The following ZNF385D variants were observed in gnomAD, a reference collection of about 807,000 sequenced individuals.
ZNF385D encodes the protein zinc finger protein 385D, also known as zinc finger protein 659.
Under a neutral mutation model 35.8 loss-of-function variants are expected in ZNF385D, and 15 were observed. The ratio of observed to expected loss-of-function variants is 0.42; its 90% CI spans 0.28 to 0.64. The LOEUF (loss-of-function observed/expected upper bound fraction) is 0.64, where lower values mean the gene tolerates loss of function less well. Ranked by LOEUF, ZNF385D falls within the 30% of genes least tolerant of loss-of-function variation. ZNF385D has a pLI of 0.23. For missense variants in ZNF385D, 474 were observed against 494.6 expected (o/e 0.96, Z 0.39); for synonymous variants, 212 against 186.8 (o/e 1.13, Z -1.10).
intron 2 of ZNF385D, among the ~76,000 whole-genome samples, chr3:22,234,976 T>C (rs567082203): frequency 6.6e-6 from 1 of 152,058 alleles, no homozygotes; most frequent in Non-Finnish European, 1.5e-5. Context: ...ATAAGAAAAT[T>C]TAAGTTTTTA....
At chr3:22,164,412 A>T (rs1706177972) in intron 3 of ZNF385D, among the ~76,000 whole-genome samples, 1 of 151,522 alleles carries the variant, frequency 6.6e-6, no homozygotes. Context: ...TATTTTTAGT[A>T]GAGACGGGGT....
At chr3:22,266,471 T>A (rs1430721307) in intron 2 of ZNF385D, among the ~76,000 whole-genome samples, 3 of 151,884 alleles carry the variant, frequency 2.0e-5, no homozygotes, top group Non-Finnish European at 1.5e-5. Context: ...GGCTGACTGC[T>A]ATCTTATTTA....
chr3:22,168,800 T>C (rs1706503982), intron 3 of ZNF385D: 1 of 984,840 alleles, frequency 1.0e-6, no homozygotes, highest in Admixed American at 6.2e-5. Context: ...TGAGAAAATA[T>C]TTTTAGAAAA....
chr3:22,152,745 A>T (rs916952325), intron 3 of ZNF385D, among the ~76,000 whole-genome samples: 1 of 152,148 alleles, frequency 6.6e-6, no homozygotes, highest in Non-Finnish European at 1.5e-5. Context: ...TTGATCACGT[A>T]TGTGGAGTTC....
chr3:21,754,577 A>G (rs1253667122), upstream of ZNF385D, among the ~76,000 whole-genome samples: 2 of 151,752 alleles, frequency 1.3e-5, no homozygotes, highest in South Asian at 2.1e-4. Context: ...TCATTCAAAT[A>G]TTGCTCAAAG....
At chr3:21,500,179 G>T (rs1706254287) in intron 4 of ZNF385D, among the ~76,000 whole-genome samples, 1 of 152,146 alleles carries the variant, frequency 6.6e-6, no homozygotes, top group Non-Finnish European at 1.5e-5. Context: ...TCACAAAGTA[G>T]TTAAATGTAA....
chr3:22,232,288 A>G (rs897419649), intron 2 of ZNF385D, among the ~76,000 whole-genome samples: 4 of 150,952 alleles, frequency 2.6e-5, no homozygotes, highest in Non-Finnish European at 5.9e-5. Flanking sequence ...AGCTGATTCT[A>G]TGTGCCATAT....
At chr3:22,316,746 C>A (rs1379603270) in intron 2 of ZNF385D, among the ~76,000 whole-genome samples, 1 of 152,146 alleles carries the variant, frequency 6.6e-6, no homozygotes, top group East Asian at 1.9e-4. Context: ...TTTGTCTACA[C>A]AGCTACCAAG....
chr3:21,761,612 G>A (rs967147353), intron 3 of ZNF385D, among the ~76,000 whole-genome samples: 1 of 152,110 alleles, frequency 6.6e-6, no homozygotes, highest in Admixed American at 6.6e-5. Flanking sequence ...CAGTCTCATA[G>A]GATGGGCTCA....
At chr3:21,587,199 G>T (rs2063837715) in intron 2 of ZNF385D, among the ~76,000 whole-genome samples, 1 of 152,052 alleles carries the variant, frequency 6.6e-6, no homozygotes, top group African/African-American at 2.4e-5. Context: ...AGGTGAAAAG[G>T]AGCATTCAAC....
intron 2 of ZNF385D, among the ~76,000 whole-genome samples, chr3:22,197,686 T>C (rs541579405): frequency 3.6e-4 from 55 of 152,196 alleles, no homozygotes; most frequent in Middle Eastern, 3.4e-3. Context: ...GTTGTATGAG[T>C]CAGCCAGATG....
At chr3:21,490,378 T>TA (rs926652863) in intron 4 of ZNF385D, among the ~76,000 whole-genome samples, 6 of 152,064 alleles carry the variant, frequency 3.9e-5, no homozygotes, top group Admixed American at 1.3e-4. Flanking sequence ...AATTTTCAAA[T>TA]AAAAAATATC....
At chr3:21,838,798 A>T (rs1273531724) in intron 3 of ZNF385D, among the ~76,000 whole-genome samples, 4 of 152,164 alleles carry the variant, frequency 2.6e-5, no homozygotes, top group African/African-American at 9.6e-5. Flanking sequence ...ATAATTATAA[A>T]ATATCACCAA....
chr3:22,070,162 T>G (rs1700159212), intron 3 of ZNF385D, among the ~76,000 whole-genome samples: 1 of 152,178 alleles, frequency 6.6e-6, no homozygotes, highest in Non-Finnish European at 1.5e-5. Context: ...GCATCTTATT[T>G]TCTAACAACA....
At chr3:22,149,237 A>G (rs6796812) in intron 3 of ZNF385D, among the ~76,000 whole-genome samples, 2 of 152,078 alleles carry the variant, frequency 1.3e-5, no homozygotes, top group Admixed American at 6.6e-5. Context: ...CTAAAAGTCT[A>G]TATTTATATA....
chr3:22,103,020 T>A (rs1387240631), intron 3 of ZNF385D, among the ~76,000 whole-genome samples: 2 of 151,022 alleles, frequency 1.3e-5, no homozygotes, highest in African/African-American at 4.8e-5. Context: ...GTGAATAAAT[T>A]TCTCATGCTG....
chr3:21,711,411 T>C (rs1460829542), intron 1 of ZNF385D, among the ~76,000 whole-genome samples: 3 of 152,204 alleles, frequency 2.0e-5, no homozygotes, highest in Non-Finnish European at 2.9e-5. Flanking sequence ...TCTAATATTC[T>C]ATTAATAAGT....
At chr3:22,163,471 T>C (rs1191028853) in intron 3 of ZNF385D, among the ~76,000 whole-genome samples, 2 of 152,184 alleles carry the variant, frequency 1.3e-5, no homozygotes, top group African/African-American at 4.8e-5. Context: ...CACGTAAATA[T>C]GTAAAACATA....
At chr3:22,015,393 A>G (rs1420943492) in intron 3 of ZNF385D, among the ~76,000 whole-genome samples, 5 of 152,146 alleles carry the variant, frequency 3.3e-5, no homozygotes, top group Non-Finnish European at 7.4e-5. Context: ...ACCTAAGTCA[A>G]CTTGAAAGAA....
Sources: gnomAD v4.1 joint callset for allele counts (sites outside exome capture counted in the v4.1 genomes callset) on GRCh38, gnomAD v4.1.1 for gene constraint, MANE v1.5 for transcripts, NCBI Gene and HGNC (gene_info 2026-07-23, HGNC 2026-07-21) for gene names.